The following CD55 variants were observed in gnomAD, a reference collection of about 807,000 sequenced individuals.
The protein encoded by CD55 is CD55 molecule (Cromer blood group), also known as complement decay-accelerating factor.
CD55 carries 41 observed loss-of-function variants against 45.8 expected under a neutral mutation model. The observed-to-expected ratio is 0.90, with a 90% CI of 0.70 to 1.16. CD55 has a LOEUF of 1.16. CD55 is among the 50% of genes most tolerant of loss of function. CD55 has a pLI of 0.00. For missense variants in CD55, 416 were observed against 469.8 expected (o/e 0.89, Z 1.06); for synonymous variants, 181 against 181.1 (o/e 1.00, Z 0.01).
chr1:207,324,573 CCAA>C lies in CD55; in HGVS notation c.305_307del (p.Thr102del). ...AATACTTTTAGGTAGCTGCGAGGTG[CCAA>C]CAAGGCTAAATTCTGCATCCCTCAA... is the stretch of plus-strand genomic sequence containing the variant. On this transcript the variant is annotated inframe_deletion, in exon 3 of 10. Transcript: ENST00000367064. 6.4e-7 allele frequency: 1 copy of C among 1,558,744 alleles called. No individual in the cohort carries two copies. The highest frequency in any genetic ancestry group is 8.7e-7 in the Non-Finnish European group (1 of 1,152,566).
chr1:207,328,010 G>T (rs545418184), intron 5 of CD55, among the ~76,000 whole-genome samples: 19 of 152,146 alleles, frequency 1.2e-4, no homozygotes, highest in Non-Finnish European at 1.2e-4. Context: ...CATATCTTTT[G>T]TTTGACCCAG....
At chr1:207,325,459 ATAT>A (rs1027907903) in intron 3 of CD55, among the ~76,000 whole-genome samples, 160 bp from the exon 4 acceptor site, 30 of 152,316 alleles carry the variant, frequency 2.0e-4, no homozygotes, top group African/African-American at 6.7e-4. Context: ...TAATCGACAA[ATAT>A]TATCTTAGGT....
Position 207,357,860 on chromosome 1 carries a change from G to A in CD55, c.1082-1686G>A, listed in dbSNP as rs28371650. ...TTTTTTCCTGTATGTACATACCTATGAGATAAAGTTTAATTTATAAATGAG... is the reference window on the plus strand; with the variant it reads ...TTTTTTCCTGTATGTACATACCTATAAGATAAAGTTTAATTTATAAATGAG... On this transcript the variant is annotated intron_variant, in intron 9 of 9. Transcript: ENST00000367064. Among the ~76,000 whole-genome samples the A allele has an allele frequency of 7.1e-3, 1,079 of 152,234 alleles. 14 individuals are homozygous for A. Among genetic ancestry groups the A allele is most frequent in the African/African-American group, 0.025 (1,025 of 41,524 alleles).
chr1:207,350,872 T>C (rs1301380143), intron 9 of CD55, among the ~76,000 whole-genome samples: 2 of 152,052 alleles, frequency 1.3e-5, no homozygotes, highest in African/African-American at 4.8e-5. Context: ...ATTTTGGTTA[T>C]TTTTTTTCTT....
chr1:207,359,634 TACAC>T lies in CD55; in HGVS notation c.*28_*31del, dbSNP rs1352250699. On this transcript the variant is annotated 3_prime_UTR_variant, in exon 10 of 10. Transcript: ENST00000367064. ...AGCCAAAGAAGAGTTAAGAAGAAAA[TACAC>T]ACAAGTATACAGACTGTTCCTAGTT... 6 of 1,571,416 alleles carry T rather than the reference TACAC, an allele frequency of 3.8e-6. No homozygotes were observed. The highest frequency in any genetic ancestry group is 1.4e-5 in the African/African-American group (1 of 70,726).
chr1:207,323,864 G>A (rs928642430), intron 2 of CD55, among the ~76,000 whole-genome samples: 3 of 152,060 alleles, frequency 2.0e-5, no homozygotes, highest in Admixed American at 6.5e-5. Context: ...TTTTTATGGC[G>A]GAGGAGACAG....
At chr1:207,332,905 T>G (rs1195843058) in intron 6 of CD55, among the ~76,000 whole-genome samples, 1 of 152,178 alleles carries the variant, frequency 6.6e-6, no homozygotes, top group Non-Finnish European at 1.5e-5. Context: ...TAGGGACCTT[T>G]GCTGATTCTG....
rs923603798 is a variant in CD55, at chr1:207,359,675, T to C, written c.*65T>C. On this transcript the variant is annotated 3_prime_UTR_variant, in exon 10 of 10. Coordinates refer to ENST00000367064, the MANE Select transcript of CD55 (RefSeq NM_000574.5). ...GACTGTTCCTAGTTTCTTAGACTTA[T>C]CTGCATATTGGATAAAATAAATGCA... 1.3e-6 allele frequency: 2 copies of C among 1,535,080 alleles called. No individual in the cohort carries two copies. The highest frequency in any genetic ancestry group is 1.7e-4 in the Middle Eastern group (1 of 5,720).
At chr1:207,358,984 T>G (rs1377883142) in intron 9 of CD55, among the ~76,000 whole-genome samples, 1 of 152,180 alleles carries the variant, frequency 6.6e-6, no homozygotes, top group African/African-American at 2.4e-5. Context: ...TGACCTACCT[T>G]GTATTTCTCC....
chr1:207,343,103 G>A (rs554410437), intron 9 of CD55, among the ~76,000 whole-genome samples: 82 of 151,984 alleles, frequency 5.4e-4, no homozygotes, highest in African/African-American at 1.9e-3. Context: ...AGTCTAGCAA[G>A]TACTTTATCA....
At chr1:207,350,570 T>C (rs1172615726) in intron 9 of CD55, among the ~76,000 whole-genome samples, 1 of 152,234 alleles carries the variant, frequency 6.6e-6, no homozygotes, top group African/African-American at 2.4e-5. Context: ...AATTTCTTCC[T>C]GGTTCAATCT....
chr1:207,359,586 A>G lies in CD55; in HGVS notation c.1122A>G (p.Leu374=). 1 of 1,590,452 alleles carries G rather than the reference A, an allele frequency of 6.3e-7. No individual in the cohort carries two copies. Among genetic ancestry groups the G allele is most frequent in the Non-Finnish European group, 8.5e-7 (1 of 1,171,558 alleles). ...CGTTGACAGGTTTGCTTGGGACGCTAGTAACCATGGGCTTGCTGACTTAGC... is the reference window on the plus strand; with the variant it reads ...CGTTGACAGGTTTGCTTGGGACGCTGGTAACCATGGGCTTGCTGACTTAGC... ...CFTLTGLLGT[L]VTMGLLT The change falls in exon 10 of 10, where the codon CTA becomes CTG. Residue 374 remains leucine (L), a synonymous_variant. Coordinates refer to ENST00000367064, the MANE Select transcript of CD55 (RefSeq NM_000574.5).
rs1654726274 is a variant in CD55, at chr1:207,327,246, G to T, written c.664+409G>T. ...ATCCTAAAACAAGTGGCAATGGAAG[G>T]CATTTAACCAGGTCTCTTATTTCAA... On this transcript the variant is annotated intron_variant, in intron 5 of 9. Coordinates refer to ENST00000367064, the MANE Select transcript of CD55 (RefSeq NM_000574.5). Among the ~76,000 whole-genome samples the T allele has an allele frequency of 2.0e-5, 3 of 152,112 alleles. No individual in the cohort carries two copies. In the South Asian group the frequency reaches 6.2e-4, roughly 32 times the overall value.
intron 5 of CD55, among the ~76,000 whole-genome samples, chr1:207,327,794 C>A (rs1654753809): frequency 6.6e-6 from 1 of 152,162 alleles, no homozygotes; most frequent in Non-Finnish European, 1.5e-5. Flanking sequence ...TAAAATGAAG[C>A]CGTGCCATTA....
At position 207,324,767 on chromosome 1, in the gene CD55, A is replaced by T. The variant is rs2102380514; in HGVS notation, c.478+17A>T. 6.4e-7 allele frequency: 1 copy of T among 1,560,384 alleles called. No individual in the cohort carries two copies. Among genetic ancestry groups the T allele is most frequent in the South Asian group, 1.1e-5 (1 of 87,554 alleles). The stretch of plus-strand genomic sequence containing the variant: ...TTTGTAAAAGTGAGTAAAATTTTTT[A>T]AAGTATTTTCAACCATCTGGTGTTT... On this transcript the variant is annotated intron_variant, in intron 3 of 9. Transcript: ENST00000367064.
intron 9 of CD55, among the ~76,000 whole-genome samples, chr1:207,346,600 C>G (rs1223004042): frequency 6.6e-6 from 1 of 152,176 alleles, no homozygotes; most frequent in African/African-American, 2.4e-5. Flanking sequence ...CAGCCAGCAG[C>G]AGCCATAGCC....
chr1:207,339,855 T>C (rs999207769), intron 9 of CD55, among the ~76,000 whole-genome samples: 3 of 152,228 alleles, frequency 2.0e-5, no homozygotes, highest in East Asian at 3.8e-4. Flanking sequence ...CATAATGTTT[T>C]ATATATTTAT....
At chr1:207,357,168 A>G (rs1209642510) in intron 9 of CD55, among the ~76,000 whole-genome samples, 1 of 152,222 alleles carries the variant, frequency 6.6e-6, no homozygotes, top group Non-Finnish European at 1.5e-5. Flanking sequence ...GTAGAAAAAT[A>G]TTTGACCATT....
In CD55 at chr1:207,328,164, A is replaced by G. The variant is rs112917618; in HGVS notation, c.664+1327A>G. Among the ~76,000 whole-genome samples the G allele has an allele frequency of 5.7e-3, 865 of 152,084 alleles. 8 individuals carry two copies. The highest frequency in any genetic ancestry group is 0.018 in the African/African-American group (756 of 41,476). On this transcript the variant is annotated intron_variant, in intron 5 of 9. Coordinates refer to ENST00000367064, the MANE Select transcript of CD55 (RefSeq NM_000574.5). Reference sequence around the variant, plus strand: ...ATCTAGGCCACAGCCTTGCTTCCCTATCTGGTGTCTTGAACTCCATGCTGA... The same window carrying G: ...ATCTAGGCCACAGCCTTGCTTCCCTGTCTGGTGTCTTGAACTCCATGCTGA...
Sources: allele counts gnomAD v4.1 joint callset (sites outside exome capture counted in the v4.1 genomes callset), GRCh38; gene constraint gnomAD v4.1.1; transcripts MANE v1.5; gene names NCBI Gene and HGNC (gene_info 2026-07-23, HGNC 2026-07-21).